The following RPN2 variants were observed in gnomAD, a reference collection of about 807,000 sequenced individuals.
The protein encoded by RPN2 is ribophorin II.
A neutral mutation model predicts 71.4 loss-of-function variants in RPN2; 29 were observed. The ratio of observed to expected loss-of-function variants is 0.41; its 90% CI spans 0.30 to 0.55. The LOEUF is 0.55. Among genes scored for constraint, RPN2 ranks in the 20% least tolerant of loss-of-function variants. The probability of loss-of-function intolerance (pLI) is 0.35; values close to 1 mark genes in which losing one functional copy is unlikely to be tolerated. For synonymous variants in RPN2, 308 were observed against 305.0 expected (o/e 1.01, Z -0.10); for missense variants, 726 against 774.1 (o/e 0.94, Z 0.74).
chr20:37,221,119 G>A (rs1454284855), intron 9 of RPN2, among the ~76,000 whole-genome samples: 1 of 152,010 alleles, frequency 6.6e-6, no homozygotes, highest in African/African-American at 2.4e-5. Context: ...TTACAGCCAG[G>A]ATTCTAAGTG....
intron 2 of RPN2, among the ~76,000 whole-genome samples, chr20:37,198,022 A>G (rs2067291409): frequency 6.6e-6 from 1 of 152,158 alleles, no homozygotes; most frequent in Non-Finnish European, 1.5e-5. Flanking sequence ...TTACTTGCCA[A>G]TTTGGAGCCC....
rs1463037363 is a variant in RPN2 at position 37,225,774 on chromosome 20, A to G, written c.1271A>G (p.Asn424Ser). The change falls in exon 11 of 17, where the codon AAC becomes AGC. Residue 424 changes from asparagine (N) to serine (S), a missense_variant. By Grantham distance (46) the Asn-to-Ser change is conservative. Coordinates refer to ENST00000237530, the MANE Select transcript of RPN2 (RefSeq NM_002951.5). ...FALFFQLVDV[N>S]TGAELTPHQT... ...TTGTTCTTCCAGCTGGTAGATGTGA[A>G]CACTGGTGCTGAACTCACTCCTCAC... is the stretch of plus-strand genomic sequence containing the variant. 1 of 1,613,886 alleles carries G rather than the reference A, an allele frequency of 6.2e-7. No homozygotes were observed. Among genetic ancestry groups the G allele is most frequent in the Non-Finnish European group, 8.5e-7 (1 of 1,179,760 alleles).
chr20:37,190,409 G>A (rs1425015927), intron 2 of RPN2, among the ~76,000 whole-genome samples: 1 of 152,148 alleles, frequency 6.6e-6, no homozygotes, highest in African/African-American at 2.4e-5. Context: ...TGCCTTCAAG[G>A]TGTTAACTTC....
At chr20:37,195,311 A>C (rs1292896535) in intron 2 of RPN2, among the ~76,000 whole-genome samples, 1 of 152,210 alleles carries the variant, frequency 6.6e-6, no homozygotes, top group East Asian at 1.9e-4. Context: ...CTTTGAAGCC[A>C]CTGAACGCCG....
In RPN2 at chr20:37,184,241, C is replaced by A; in HGVS notation, c.75C>A (p.Pro25=). Reference sequence around the variant, plus strand: ...TAGCCAGCACCTGGGCTCTGACGCCCACTCACTACCTCACCAAGCATGACG... The same window carrying A: ...TAGCCAGCACCTGGGCTCTGACGCCAACTCACTACCTCACCAAGCATGACG... ...TIIASTWALT[P]THYLTKHDVE... The change falls in exon 2 of 17, where the codon CCC becomes CCA. Residue 25 remains proline (P), a synonymous_variant. Transcript: ENST00000237530. 6.2e-7 allele frequency: 1 copy of A among 1,614,216 alleles called. No homozygotes were observed. Among genetic ancestry groups the A allele is most frequent in the Non-Finnish European group, 8.5e-7 (1 of 1,180,038 alleles).
intron 1 of RPN2, among the ~76,000 whole-genome samples, chr20:37,181,407 A>G (rs2066876831): frequency 6.7e-6 from 1 of 149,790 alleles, no homozygotes; most frequent in Non-Finnish European, 1.5e-5. Flanking sequence ...CTGATTCAGA[A>G]TGTTTGCATT....
At chr20:37,203,403 CTA>C (rs1446843468) in intron 4 of RPN2, among the ~76,000 whole-genome samples, 24 of 144,222 alleles carry the variant, frequency 1.7e-4, no homozygotes, top group African/African-American at 5.7e-4. Flanking sequence ...GGGTCTCACT[CTA>C]TTGCTCAGGC....
At chr20:37,217,925 G>C (rs1272960791) in intron 9 of RPN2, among the ~76,000 whole-genome samples, 2 of 151,822 alleles carry the variant, frequency 1.3e-5, no homozygotes, top group Non-Finnish European at 2.9e-5. Context: ...TAGTAGAGAC[G>C]GGGTTTTGCC....
At chr20:37,232,747 A>C (rs1249875261) in intron 14 of RPN2, among the ~76,000 whole-genome samples, 1 of 152,234 alleles carries the variant, frequency 6.6e-6, no homozygotes, top group Non-Finnish European at 1.5e-5. Context: ...TGTGGATTTC[A>C]GCACTGCTTG....
intron 4 of RPN2, among the ~76,000 whole-genome samples, chr20:37,199,597 A>G (rs2067334702): frequency 6.6e-6 from 1 of 152,158 alleles, no homozygotes; most frequent in African/African-American, 2.4e-5. Context: ...GCAGGATGAC[A>G]TGTTGGCAGT....
intron 15 of RPN2, among the ~76,000 whole-genome samples, chr20:37,234,942 A>G (rs552488012): frequency 2.0e-5 from 3 of 152,196 alleles, no homozygotes; most frequent in South Asian, 4.1e-4. Context: ...GGCCTCCCAG[A>G]GTGCTAGGAT....
intron 2 of RPN2, among the ~76,000 whole-genome samples, chr20:37,186,376 A>G (rs1490899587): frequency 1.3e-5 from 2 of 152,200 alleles, no homozygotes; most frequent in Non-Finnish European, 2.9e-5. Flanking sequence ...AATGACTCCA[A>G]ATCTGTAGGG....
intron 2 of RPN2, among the ~76,000 whole-genome samples, chr20:37,193,561 C>A (rs1002816176): frequency 2.0e-5 from 3 of 152,154 alleles, no homozygotes; most frequent in African/African-American, 7.2e-5. Flanking sequence ...TCGTGATTCA[C>A]CTTGCATTTT....
intron 9 of RPN2, among the ~76,000 whole-genome samples, chr20:37,216,100 A>G (rs1187174904): frequency 6.6e-6 from 1 of 152,186 alleles, no homozygotes; most frequent in African/African-American, 2.4e-5. Flanking sequence ...GCACTTTGGG[A>G]GGCCAAGGCA....
chr20:37,232,438 C>T (rs2068278284), intron 14 of RPN2, 47 bp downstream of exon 14: 1 of 1,598,366 alleles, frequency 6.3e-7, no homozygotes, highest in Non-Finnish European at 8.6e-7. Flanking sequence ...GGCGCCAGAC[C>T]CAGCAGATGC....
chr20:37,195,699 T>A (rs1313775200), intron 2 of RPN2, among the ~76,000 whole-genome samples: 2 of 152,166 alleles, frequency 1.3e-5, no homozygotes, highest in Non-Finnish European at 2.9e-5. Context: ...TTTTGGGGTC[T>A]CCAGTGTTGT....
intron 16 of RPN2, among the ~76,000 whole-genome samples, chr20:37,237,661 C>T (rs975062234): frequency 6.6e-6 from 1 of 152,132 alleles, no homozygotes; most frequent in South Asian, 2.1e-4. Context: ...CTTGGCTTTC[C>T]TGTAGGAATC....
At chr20:37,213,264 A>G (rs1293478305) in intron 8 of RPN2, among the ~76,000 whole-genome samples, 4 of 152,196 alleles carry the variant, frequency 2.6e-5, no homozygotes, top group African/African-American at 4.8e-5. Flanking sequence ...GTAACAAAGG[A>G]AAAGAAAACG....
intron 4 of RPN2, among the ~76,000 whole-genome samples, chr20:37,200,664 C>G (rs1216539234): frequency 6.6e-6 from 1 of 152,164 alleles, no homozygotes; most frequent in East Asian, 1.9e-4. Flanking sequence ...CACACCCTCC[C>G]TATATTCACA....
Sources: allele counts gnomAD v4.1 joint callset (sites outside exome capture counted in the v4.1 genomes callset), GRCh38; gene constraint gnomAD v4.1.1; transcripts MANE v1.5; gene names NCBI Gene and HGNC (gene_info 2026-07-23, HGNC 2026-07-21).